The following ETNK1 variants were observed in gnomAD, a reference collection of about 807,000 sequenced individuals.
ETNK1 encodes the protein putative protein product of Nbla10396.
ETNK1 carries 8 observed loss-of-function variants against 45.1 expected under a neutral mutation model. That is an observed-to-expected ratio of 0.18 (90% CI 0.10 to 0.32). ETNK1 has a LOEUF of 0.32. ETNK1 is among the 10% of genes least tolerant of loss of function. The pLI, the probability that ETNK1 is intolerant of heterozygous loss-of-function variation, is 1.00. For missense variants in ETNK1, 302 were observed against 430.6 expected, an observed-to-expected ratio of 0.70 and a Z score of 2.64; for synonymous variants, 152 against 151.9, an observed-to-expected ratio of 1.00 and a Z score of -0.01.
In ETNK1 at chr12:22,690,199, C is replaced by G. The variant is rs181259203; in HGVS notation, c.*5245C>G. ...ATAATGTAAGTGCTACAAATAGTCTCAGCACTGAAAATGTATTGATACCTC... is the reference window on the plus strand; with the variant it reads ...ATAATGTAAGTGCTACAAATAGTCTGAGCACTGAAAATGTATTGATACCTC... On this transcript the variant is annotated 3_prime_UTR_variant, in exon 8 of 8. Coordinates refer to ENST00000266517, the MANE Select transcript of ETNK1 (RefSeq NM_018638.5). 1.3e-4 allele frequency: 20 copies of G among 152,586 alleles called. No individual in the cohort carries two copies. In the East Asian group the frequency reaches 3.5e-3, roughly 27 times the overall value. The allele number at this position is 152,586 out of a possible 1,614,324, so 9.5% of individuals were successfully genotyped here.
At chr12:22,626,512 G>A (rs1284479149) in intron 1 of ETNK1, among the ~76,000 whole-genome samples, 3 of 152,094 alleles carry the variant, frequency 2.0e-5, no homozygotes. Flanking sequence ...ATTTGAATTA[G>A]CCAAATCATC....
At chr12:22,636,578 T>G (rs1268764792) in intron 1 of ETNK1, among the ~76,000 whole-genome samples, 2 of 152,232 alleles carry the variant, frequency 1.3e-5, no homozygotes, top group Admixed American at 1.3e-4. Flanking sequence ...CTCAGCTTCC[T>G]TCTCTATGTC....
In ETNK1 at chr12:22,680,899, C is replaced by G. The variant is rs963005141; in HGVS notation, c.946-3584C>G. 1.1e-4 allele frequency among the ~76,000 whole-genome samples: 15 copies of G among 131,566 alleles called. 1 individual carries two copies. The highest frequency in any genetic ancestry group is 1.1e-3 in the East Asian group (5 of 4,490). 86.3% of individuals were successfully genotyped at this position (131,566 alleles called of 152,430 possible). A position where few individuals can be genotyped will look rare whatever the true frequency, so the allele number is the denominator to read the frequency against. ...TTTGTGGAGCTTTTCTTCCCCCGCC[C>G]CCCCCTCCATTATATGCACACTGGG... On this transcript the variant is annotated intron_variant, in intron 6 of 7. Transcript: ENST00000266517.
rs566729676 is a variant in ETNK1 at position 22,688,907 on chromosome 12, C to T, written c.*3953C>T. On this transcript the variant is annotated 3_prime_UTR_variant, in exon 8 of 8. Coordinates refer to ENST00000266517, the MANE Select transcript of ETNK1 (RefSeq NM_018638.5). ...GAAGACATTATTTATATTGAACCAC[C>T]TTATTTTAAAATTTTTAACTTTTAT... 2.0e-4 allele frequency: 30 copies of T among 151,908 alleles called. No individual in the cohort carries two copies. Among genetic ancestry groups the T allele is most frequent in the African/African-American group, 7.0e-4 (29 of 41,488 alleles). 9.4% of individuals were successfully genotyped at this position (151,908 alleles called of 1,614,324 possible). A position where few individuals can be genotyped will look rare whatever the true frequency, so the allele number is the denominator to read the frequency against.
In ETNK1 at chr12:22,625,565, C is replaced by A; in HGVS notation, c.135C>A (p.Asp45Glu). Residue 45 changes from aspartate (D) to glutamate (E), a missense_variant, in exon 1 of 8, where the codon GAC becomes GAA. Asp to Glu is a conservative substitution (Grantham distance 45). Transcript: ENST00000266517. ...SLLQHLRPHW[D>E]PQEVTLQLFT... Reference sequence around the variant, plus strand: ...TGCAACACCTGCGGCCTCACTGGGACCCCCAGGAGGTGACCCTGCAGGTAA... The same window carrying A: ...TGCAACACCTGCGGCCTCACTGGGAACCCCAGGAGGTGACCCTGCAGGTAA... The A allele has an allele frequency of 6.3e-7, 1 of 1,598,400 alleles. No individual in the cohort carries two copies. Among genetic ancestry groups the A allele is most frequent in the Non-Finnish European group, 8.5e-7 (1 of 1,173,170 alleles).
At chr12:22,648,744 A>G (rs1953838208) in intron 2 of ETNK1, among the ~76,000 whole-genome samples, 1 of 152,116 alleles carries the variant, frequency 6.6e-6, no homozygotes, top group Non-Finnish European at 1.5e-5. Flanking sequence ...GCTGACGAGC[A>G]TGATTGCTGG....
intron 4 of ETNK1, among the ~76,000 whole-genome samples, chr12:22,668,409 C>G (rs2137565474): frequency 6.6e-6 from 1 of 152,286 alleles, no homozygotes; most frequent in South Asian, 2.1e-4. Context: ...TTCTGGCACC[C>G]TAACTAAGGG....
At position 22,688,510 on chromosome 12, in the gene ETNK1, G is replaced by A. The variant is rs185624904; in HGVS notation, c.*3556G>A. On this transcript the variant is annotated 3_prime_UTR_variant, in exon 8 of 8. Coordinates refer to ENST00000266517, the MANE Select transcript of ETNK1 (RefSeq NM_018638.5). ...ACAGAAGCCTTCTGTACCATTTTAC[G>A]AATTTCTGTCTTCATAATATAAGTG... 7.1e-4 allele frequency: 108 copies of A among 152,208 alleles called. No individual in the cohort carries two copies. Among genetic ancestry groups the A allele is most frequent in the African/African-American group, 2.3e-3 (97 of 41,484 alleles). 9.4% of individuals were successfully genotyped at this position (152,208 alleles called of 1,614,324 possible). A position where few individuals can be genotyped will look rare whatever the true frequency, so the allele number is the denominator to read the frequency against.
At chr12:22,677,251 A>G (rs1954171314) in intron 6 of ETNK1, among the ~76,000 whole-genome samples, 1 of 152,284 alleles carries the variant, frequency 6.6e-6, no homozygotes, top group East Asian at 1.9e-4. Context: ...TCCCAACACC[A>G]TTTATTAAAG....
chr12:22,656,996 A>AGT (rs149626602), intron 2 of ETNK1: 38 of 177,076 alleles, frequency 2.1e-4, no homozygotes, highest in Middle Eastern at 2.9e-3. Context: ...ACTGGCTTAC[A>AGT]GTGTGTGTGT....
At chr12:22,656,650 G>T in intron 2 of ETNK1, 1 of 985,332 alleles carries the variant, frequency 1.0e-6, no homozygotes, top group Non-Finnish European at 1.2e-6. Flanking sequence ...GAGAAGTCAT[G>T]GAGTTCTGAC....
In ETNK1 at chr12:22,667,141, G is replaced by C. The variant is rs368053941; in HGVS notation, c.701-4131G>C. On this transcript the variant is annotated intron_variant, in intron 4 of 7. Coordinates refer to ENST00000266517, the MANE Select transcript of ETNK1 (RefSeq NM_018638.5). The stretch of plus-strand genomic sequence containing the variant: ...AAACTTAAATGAACTGTAAAAACCT[G>C]AAGTTATGAAGAAAGAGTGACCTAA... 1.8e-4 allele frequency among the ~76,000 whole-genome samples: 28 copies of C among 152,260 alleles called. No individual in the cohort carries two copies. In the East Asian group the frequency reaches 4.2e-3, roughly 23 times the overall value.
At chr12:22,680,116 A>C (rs1282440639) in intron 6 of ETNK1, among the ~76,000 whole-genome samples, 1 of 152,050 alleles carries the variant, frequency 6.6e-6, no homozygotes, top group Non-Finnish European at 1.5e-5. Context: ...CAGCCCTCTT[A>C]CATGTTAACA....
intron 2 of ETNK1, among the ~76,000 whole-genome samples, chr12:22,653,765 C>A (rs1465748254): frequency 6.6e-6 from 1 of 152,068 alleles, no homozygotes; most frequent in African/African-American, 2.4e-5. Context: ...TCATTCTTTA[C>A]AAATTTCATG....
chr12:22,663,714 A>G (rs1954028737), intron 4 of ETNK1, among the ~76,000 whole-genome samples: 1 of 152,140 alleles, frequency 6.6e-6, no homozygotes, highest in South Asian at 2.1e-4. Context: ...TTTCACAGAA[A>G]AATTTTACAG....
intron 1 of ETNK1, among the ~76,000 whole-genome samples, chr12:22,635,660 T>C (rs1953646786): frequency 6.6e-6 from 1 of 152,250 alleles, no homozygotes; most frequent in South Asian, 2.1e-4. Flanking sequence ...TACATATGTA[T>C]TTGATTCATT....
intron 2 of ETNK1, chr12:22,644,411 A>T (rs1953780688): frequency 1.6e-6 from 2 of 1,239,022 alleles, no homozygotes; most frequent in South Asian, 3.0e-5. Context: ...TAATTTGGTT[A>T]ACAATTCTTT....
At chr12:22,642,722 T>A (rs1258398105) in intron 1 of ETNK1, among the ~76,000 whole-genome samples, 1 of 152,074 alleles carries the variant, frequency 6.6e-6, no homozygotes, top group Non-Finnish European at 1.5e-5. Context: ...TCTGTTCTTT[T>A]TTTCTATTCT....
intron 6 of ETNK1, among the ~76,000 whole-genome samples, chr12:22,674,335 T>A (rs1483045785): frequency 2.0e-5 from 3 of 152,224 alleles, no homozygotes; most frequent in Non-Finnish European, 4.4e-5. Flanking sequence ...TTTTTGGTTT[T>A]AATATAATTT....
Sources: allele counts gnomAD v4.1 joint callset (sites outside exome capture counted in the v4.1 genomes callset), GRCh38; gene constraint gnomAD v4.1.1; transcripts MANE v1.5; gene names NCBI Gene and HGNC (gene_info 2026-07-23, HGNC 2026-07-21).